Variants in PCDHGB1 observed in about 807,000 individuals in gnomAD.
PCDHGB1 encodes protocadherin gamma subfamily B, 1.
PCDHGB1 carries 34 observed loss-of-function variants against 56.6 expected under a neutral mutation model. The observed-to-expected ratio is 0.60, with a 90% CI of 0.46 to 0.80. PCDHGB1 has a LOEUF of 0.80. PCDHGB1 is among the 30% of genes least tolerant of loss of function. The pLI is 0.00. For synonymous variants in PCDHGB1, 561 were observed against 505.9 expected, an observed-to-expected ratio of 1.11 and a Z score of -1.46; for missense variants, 1,278 against 1,204.6, an observed-to-expected ratio of 1.06 and a Z score of -0.90.
At chr5:141,372,292 G>T in intron 1 of PCDHGB1, 1 of 1,613,282 alleles carries the variant, frequency 6.2e-7, no homozygotes, top group Non-Finnish European at 8.5e-7. Context: ...CGTACCTTGG[G>T]CGACAGGGAG....
Position 141,399,846 on chromosome 5 carries a change from G to T in PCDHGB1, c.2409+47177G>T, listed in dbSNP as rs377634920. 19 of 1,612,980 alleles carry T rather than the reference G, an allele frequency of 1.2e-5. No homozygotes were observed. The highest frequency in any genetic ancestry group is 5.3e-5 in the African/African-American group (4 of 75,050). On this transcript the variant is annotated intron_variant, in intron 1 of 3. Transcript: ENST00000523390. ...CCGACGGCTCTGCGCTCTTCGATAT[G>T]GTGCCGCGCGCTGCAGAGCCCGGCT...
chr5:141,477,817 C>G lies in PCDHGB1; in HGVS notation c.2410-16990C>G, dbSNP rs1593824080. 2 of 1,614,138 alleles carry G rather than the reference C, an allele frequency of 1.2e-6. No individual in the cohort carries two copies. The highest frequency in any genetic ancestry group is 8.5e-7 in the Non-Finnish European group (1 of 1,180,038). ...ATCGCAATGACAATGCCCCCCAGGT[C>G]CTATATCCTCGGCCAGGTGGGAGCT... is the stretch of plus-strand genomic sequence containing the variant. On this transcript the variant is annotated intron_variant, in intron 1 of 3. Coordinates refer to ENST00000523390, the MANE Select transcript of PCDHGB1 (RefSeq NM_018922.3). This position sits in a 1 kb window ranked among gnomAD's most constrained non-coding sequence, Gnocchi z 4.9.
At chr5:141,478,821 A>G (rs72790063) in intron 1 of PCDHGB1, 38,524 of 1,444,166 alleles carry the variant, frequency 0.027, 650 homozygotes, top group East Asian at 0.045. Flanking sequence ...CAACTAACCA[A>G]TCTTGCTAAG....
intron 1 of PCDHGB1, among the ~76,000 whole-genome samples, chr5:141,433,766 G>A (rs2097649774): frequency 6.6e-6 from 1 of 151,888 alleles, no homozygotes; most frequent in South Asian, 2.1e-4. Flanking sequence ...TAACCTGGGA[G>A]GTGGAGGTTG....
At chr5:141,384,163 C>G (rs535530763) in intron 1 of PCDHGB1, 2 of 1,613,658 alleles carry the variant, frequency 1.2e-6, no homozygotes, top group African/African-American at 1.3e-5. Context: ...TAACATCACA[C>G]TGAAAGCCAC....
chr5:141,375,956 G>C, intron 1 of PCDHGB1: 1 of 1,613,506 alleles, frequency 6.2e-7, no homozygotes, highest in Non-Finnish European at 8.5e-7. Context: ...GCACACGGGC[G>C]AGGTGCGCAC....
At chr5:141,393,050 G>A (rs1270447503) in intron 1 of PCDHGB1, 2 of 1,613,668 alleles carry the variant, frequency 1.2e-6, no homozygotes, top group East Asian at 2.2e-5. Flanking sequence ...CTCTGAACCC[G>A]CGCAGCGGCA....
Position 141,398,862 on chromosome 5 carries a change from C to G in PCDHGB1, c.2409+46193C>G, listed in dbSNP as rs771326288. On this transcript the variant is annotated intron_variant, in intron 1 of 3. Transcript: ENST00000523390. ...ATAATCCCCCGGTATTCAACCGAGA[C>G]GTGTACAGAGTCAGCCTTCGGGAAA... 4 of 1,613,848 alleles carry G rather than the reference C, an allele frequency of 2.5e-6. No individual in the cohort carries two copies. The African/African-American group carries it at 5.3e-5, about 22-fold the overall frequency.
chr5:141,427,658 C>A, intron 1 of PCDHGB1: 2 of 738,894 alleles, frequency 2.7e-6, no homozygotes, highest in Non-Finnish European at 4.8e-6. Context: ...ACGTGGTCCA[C>A]GTGGCCGAAA....
At chr5:141,438,633 TATACAC>T (rs1275936248) in intron 1 of PCDHGB1, among the ~76,000 whole-genome samples, 1,035 of 33,718 alleles carry the variant, frequency 0.031, 6 homozygotes, top group African/African-American at 0.063. Context: ...TATATATATA[TATACAC>T]ACACACACAC....
chr5:141,505,436 T>C lies in PCDHGB1; in HGVS notation c.2512T>C (p.Phe838Leu). 1.2e-6 allele frequency: 2 copies of C among 1,614,118 alleles called. No homozygotes were observed. The highest frequency in any genetic ancestry group is 1.7e-6 in the Non-Finnish European group (2 of 1,179,998). ...DDTGTWPNNQ[F>L]DTEMLQAMIL... is the part of the protein sequence containing the mutation. ...CACCGGCACCTGGCCCAACAACCAG[T>C]TTGACACAGAGATGCTGCAAGCCAT... Residue 838 changes from phenylalanine (F) to leucine (L), a missense_variant, in exon 3 of 4, where the codon TTT becomes CTT. Phe to Leu is a conservative substitution (Grantham distance 22). Coordinates refer to ENST00000523390, the MANE Select transcript of PCDHGB1 (RefSeq NM_018922.3).
Position 141,408,609 on chromosome 5 carries a change from A to T in PCDHGB1, c.2409+55940A>T, listed in dbSNP as rs765291231. 3 of 1,613,970 alleles carry T rather than the reference A, an allele frequency of 1.9e-6. No homozygotes were observed. The highest frequency in any genetic ancestry group is 2.5e-6 in the Non-Finnish European group (3 of 1,179,916). On this transcript the variant is annotated intron_variant, in intron 1 of 3. Coordinates refer to ENST00000523390, the MANE Select transcript of PCDHGB1 (RefSeq NM_018922.3). ...GACCACGCCCCTCAATTTGATAAAA[A>T]GGAAATACATTTAGAAATTTTCGAA...
At chr5:141,457,439 C>T (rs2098920819) in intron 1 of PCDHGB1, among the ~76,000 whole-genome samples, 1 of 152,194 alleles carries the variant, frequency 6.6e-6, no homozygotes, top group Non-Finnish European at 1.5e-5. Context: ...CACCAAGCTG[C>T]AGAAGATCAC....
In PCDHGB1 at chr5:141,351,785, G is replaced by C. The variant is rs747419202; in HGVS notation, c.1525G>C (p.Val509Leu). Residue 509 changes from valine to leucine, a missense_variant, in exon 1 of 4, where the codon GTG (valine) becomes CTG (leucine). By Grantham distance (32) the Val-to-Leu change is conservative. Transcript: ENST00000523390. ...CGTGTCCGTGAGCCCGCAGAGCGGG[G>C]TGGTGTTCGCGCAGCGCGCCTTCGA... ...SYVSVSPQSG[V>L]VFAQRAFDHE... The C allele has an allele frequency of 2.5e-6, 4 of 1,613,318 alleles. No individual in the cohort carries two copies. The highest frequency in any genetic ancestry group is 3.4e-6 in the Non-Finnish European group (4 of 1,179,914).
chr5:141,414,334 A>G, intron 1 of PCDHGB1: 6 of 1,613,782 alleles, frequency 3.7e-6, no homozygotes, highest in Non-Finnish European at 5.1e-6. Flanking sequence ...TGGACAGGTA[A>G]CCTGTTCCAT....
chr5:141,487,826 T>C lies in PCDHGB1; in HGVS notation c.2410-6981T>C, dbSNP rs1321152837. 24 of 1,187,814 alleles carry C rather than the reference T, an allele frequency of 2.0e-5. No homozygotes were observed. The highest frequency in any genetic ancestry group is 2.8e-5 in the Non-Finnish European group (24 of 856,356). The allele number at this position is 1,187,814 out of a possible 1,614,324, so 73.6% of individuals were successfully genotyped here. On this transcript the variant is annotated intron_variant, in intron 1 of 3. Coordinates refer to ENST00000523390, the MANE Select transcript of PCDHGB1 (RefSeq NM_018922.3). The surrounding 1 kb of genome is among the most constrained non-coding windows in gnomAD (Gnocchi z 5.0). ...ACAGTTTAGCATTGGGGGCGGGTCA[T>C]GCCTATATCTGAGTAAGAAATGAAA... is the stretch of plus-strand genomic sequence containing the variant.
At chr5:141,354,473 T>A (rs1342061479) in intron 1 of PCDHGB1, among the ~76,000 whole-genome samples, 1 of 152,204 alleles carries the variant, frequency 6.6e-6, no homozygotes, top group Non-Finnish European at 1.5e-5. Context: ...TTGTACAGGG[T>A]AAGGCTAACT....
At chr5:141,364,165 C>T (rs556224229) in intron 1 of PCDHGB1, 4 of 699,984 alleles carry the variant, frequency 5.7e-6, no homozygotes, top group Admixed American at 7.5e-5. Context: ...CAGAGGCGAC[C>T]CGACTCTGCT....
rs551482869 is a variant in PCDHGB1, at chr5:141,372,722, A to G, written c.2409+20053A>G. On this transcript the variant is annotated intron_variant, in intron 1 of 3. Coordinates refer to ENST00000523390, the MANE Select transcript of PCDHGB1 (RefSeq NM_018922.3). ...TCAATATAAAGGCTGAAAATGCTGCACCACAAGATCTTCTATGTGATGAAG... is the reference window on the plus strand; with the variant it reads ...TCAATATAAAGGCTGAAAATGCTGCGCCACAAGATCTTCTATGTGATGAAG... The G allele has an allele frequency of 2.5e-6, 4 of 1,613,930 alleles. 1 individual carries two copies. In the South Asian group the frequency reaches 4.4e-5, roughly 18 times the overall value.
Sources: gnomAD v4.1 joint callset for allele counts (sites outside exome capture counted in the v4.1 genomes callset) on GRCh38, gnomAD v4.1.1 for gene constraint, Gnocchi (gnomAD v3.1) non-coding constraint, MANE v1.5 for transcripts, NCBI Gene and HGNC (gene_info 2026-07-23, HGNC 2026-07-21) for gene names.